LRRC37B: variants seen among roughly 807,000 people sequenced by gnomAD.
The protein encoded by LRRC37B is leucine rich repeat containing 37B.
LRRC37B carries 28 observed loss-of-function variants against 98.3 expected under a neutral mutation model. The observed-to-expected ratio is 0.28, with a 90% CI of 0.21 to 0.39. The LOEUF (loss-of-function observed/expected upper bound fraction) is 0.39, where lower values mean the gene tolerates loss of function less well. Ranked by LOEUF, LRRC37B falls within the 10% of genes least tolerant of loss-of-function variation. The pLI is 1.00. For synonymous variants in LRRC37B, 364 were observed against 442.7 expected (o/e 0.82, Z 2.23); for missense variants, 938 against 1,182.7 (o/e 0.79, Z 3.03).
chr17:32,046,684 G>A (rs1404253183), intron 8 of LRRC37B, among the ~76,000 whole-genome samples: 1 of 150,192 alleles, frequency 6.7e-6, no homozygotes, highest in African/African-American at 2.5e-5. Flanking sequence ...CCTTTTACAG[G>A]TGAGGAAAAA....
chr17:32,035,619 G>A (rs1911225362), exon 7 of LRRC37B: 1 of 1,611,202 alleles, frequency 6.2e-7, no homozygotes, highest in African/African-American at 1.3e-5. Flanking sequence ...TTCTCACGAT[G>A]ACTGTTGAAC....
chr17:32,023,906 G>T (rs1411265080), intron 1 of LRRC37B, among the ~76,000 whole-genome samples: 1 of 152,130 alleles, frequency 6.6e-6, no homozygotes, highest in Non-Finnish European at 1.5e-5. Context: ...CATACCATCG[G>T]TGCTAGAATT....
intron 5 of LRRC37B, among the ~76,000 whole-genome samples, chr17:32,033,639 A>G (rs779329434): frequency 1.4e-4 from 22 of 152,236 alleles, no homozygotes; most frequent in Non-Finnish European, 2.8e-4. Context: ...GATCACAAAT[A>G]CGTAGCAGCC....
At chr17:32,025,686 T>G (rs1454389499) in intron 2 of LRRC37B, among the ~76,000 whole-genome samples, 1 of 152,228 alleles carries the variant, frequency 6.6e-6, no homozygotes, top group Admixed American at 6.5e-5. Flanking sequence ...GGATGCATCA[T>G]AGTTTATTTA....
intron 6 of LRRC37B, 103 bp from the exon 10 acceptor site, chr17:32,035,462 A>T: frequency 7.7e-7 from 1 of 1,294,760 alleles, no homozygotes; most frequent in Non-Finnish European, 1.1e-6. Flanking sequence ...CTTGTTTTAT[A>T]GAGAAGCCAA....
chr17:32,016,248 A>G (rs1910646164), upstream of LRRC37B, among the ~76,000 whole-genome samples: 1 of 152,174 alleles, frequency 6.6e-6, no homozygotes, highest in African/African-American at 2.4e-5. Flanking sequence ...TAATTCCTCC[A>G]TTAAGGTAAT....
chr17:32,013,488 G>A (rs1401674961), intron 1 of LRRC37B, among the ~76,000 whole-genome samples: 1 of 151,794 alleles, frequency 6.6e-6, no homozygotes, highest in African/African-American at 2.4e-5. Flanking sequence ...GGTTTCTTCT[G>A]TTTCTTTTTT....
At chr17:32,039,479 A>AATATATATATATATAT (rs1185838390) in intron 7 of LRRC37B, among the ~76,000 whole-genome samples, 1 of 38,852 alleles carries the variant, frequency 2.6e-5, no homozygotes, top group African/African-American at 1.0e-4. Context: ...CCTGCCTAAA[A>AATATATATATATATAT]ATATATATAT....
At chr17:32,013,316 T>G (rs1167707891) in intron 1 of LRRC37B, among the ~76,000 whole-genome samples, 1 of 152,198 alleles carries the variant, frequency 6.6e-6, no homozygotes, top group Non-Finnish European at 1.5e-5. Flanking sequence ...CATCATTATA[T>G]TTTCAAATGG....
chr17:32,046,624 T>C (rs1911592015), intron 8 of LRRC37B, among the ~76,000 whole-genome samples: 2 of 150,464 alleles, frequency 1.3e-5, no homozygotes, highest in South Asian at 4.2e-4. Context: ...TTTTACCAAT[T>C]ATATTCTTCC....
At chr17:32,020,203 G>A (rs1168899982), upstream of LRRC37B, among the ~76,000 whole-genome samples, 1 of 152,172 alleles carries the variant, frequency 6.6e-6, no homozygotes, top group African/African-American at 2.4e-5. Context: ...ACTGGAAGAA[G>A]ATGAAGCTCC....
At chr17:32,048,980 G>T in intron 9 of LRRC37B, 122 bp from the exon 13 acceptor site, 1 of 1,554,114 alleles carries the variant, frequency 6.4e-7, no homozygotes, top group South Asian at 1.1e-5. Context: ...TTTCCGCTGG[G>T]ACTGCATTCA....
At chr17:32,044,306 T>C (rs1448060078) in intron 7 of LRRC37B, among the ~76,000 whole-genome samples, 1 of 152,236 alleles carries the variant, frequency 6.6e-6, no homozygotes, top group Admixed American at 6.5e-5. Flanking sequence ...CAGAATCCAG[T>C]CAAAGATCAG....
chr17:32,015,196 A>T (rs553023671), intron 1 of LRRC37B, among the ~76,000 whole-genome samples: 1 of 152,330 alleles, frequency 6.6e-6, no homozygotes, highest in Non-Finnish European at 1.5e-5. Flanking sequence ...GAAGATAGGG[A>T]TTGGGGGCAA....
intron 1 of LRRC37B, among the ~76,000 whole-genome samples, chr17:32,012,902 A>G (rs1182044586): frequency 2.0e-5 from 3 of 152,126 alleles, no homozygotes; most frequent in African/African-American, 4.8e-5. Flanking sequence ...CTGTAATCCC[A>G]ACTACTTGGG....
At chr17:32,043,175 T>C (rs1262607057) in intron 7 of LRRC37B, among the ~76,000 whole-genome samples, 1 of 152,224 alleles carries the variant, frequency 6.6e-6, no homozygotes. Flanking sequence ...ATGAAAGTTA[T>C]ACAGGTGTTC....
At position 32,025,846 on chromosome 17, in the gene LRRC37B, T is replaced by C. The variant is rs4079186; in HGVS notation, c.1832+1064T>C. Among the ~76,000 whole-genome samples, 3 of 152,382 alleles carry C rather than the reference T, an allele frequency of 2.0e-5. 1 individual carries two copies. Among genetic ancestry groups the C allele is most frequent in the South Asian group, 4.1e-4 (2 of 4,830 alleles). ...AAAATGTTGTGCCAACTGACTATAT[T>C]GTCAGCAGAATATGACAGCATTCAT... On this transcript the variant is annotated intron_variant, in intron 2 of 11. Coordinates refer to ENST00000327564, the Ensembl canonical transcript of LRRC37B.
intron 5 of LRRC37B, among the ~76,000 whole-genome samples, chr17:32,032,215 C>T (rs57884580): frequency 0.2 from 28,444 of 141,450 alleles, 2,071 homozygotes; most frequent in African/African-American, 0.32. Flanking sequence ...TGCAGTGAGC[C>T]GAGATTGTGC....
intron 1 of LRRC37B, among the ~76,000 whole-genome samples, chr17:32,023,793 G>A (rs1910868818): frequency 6.6e-6 from 1 of 152,270 alleles, no homozygotes; most frequent in East Asian, 1.9e-4. Flanking sequence ...TCAAACCCAG[G>A]ACCAAGTATG....
Sources: gnomAD v4.1 joint callset for allele counts (sites outside exome capture counted in the v4.1 genomes callset) on GRCh38, gnomAD v4.1.1 for gene constraint, MANE v1.5 for transcripts, NCBI Gene and HGNC (gene_info 2026-07-23, HGNC 2026-07-21) for gene names.